RNF150: variants seen among roughly 807,000 people sequenced by gnomAD.
RNF150 encodes the protein ring finger protein 150.
A neutral mutation model predicts 39.3 loss-of-function variants in RNF150; 24 were observed. The ratio of observed to expected loss-of-function variants is 0.61; its 90% confidence interval spans 0.44 to 0.86. The LOEUF is 0.86. RNF150 is among the 40% of genes least tolerant of loss of function. The pLI is 0.00. For synonymous variants in RNF150, 255 were observed against 227.3 expected, an observed-to-expected ratio of 1.12 and a Z score of -1.10; for missense variants, 502 against 587.8, an observed-to-expected ratio of 0.85 and a Z score of 1.51.
At chr4:141,040,501 T>A (rs1736317082) in intron 1 of RNF150, among the ~76,000 whole-genome samples, 1 of 152,150 alleles carries the variant, frequency 6.6e-6, no homozygotes, top group Non-Finnish European at 1.5e-5. Context: ...TTTTATATAT[T>A]TTTTTGTGAG....
chr4:141,088,241 C>A (rs1390699325), intron 1 of RNF150, among the ~76,000 whole-genome samples: 1 of 152,162 alleles, frequency 6.6e-6, no homozygotes, highest in East Asian at 1.9e-4. Context: ...CACTCTCGGC[C>A]CCCCGGCATA....
At chr4:141,205,070 T>A (rs1728353209) in intron 1 of RNF150, among the ~76,000 whole-genome samples, 1 of 152,156 alleles carries the variant, frequency 6.6e-6, no homozygotes, top group African/African-American at 2.4e-5. Flanking sequence ...CTTTTTAAGG[T>A]CATTTGACAC....
chr4:141,057,991 T>C (rs1737056033), intron 1 of RNF150, among the ~76,000 whole-genome samples: 1 of 152,194 alleles, frequency 6.6e-6, no homozygotes, highest in African/African-American at 2.4e-5. Flanking sequence ...AATAGCAAGC[T>C]ACTGTGGCTA....
At chr4:140,888,447 C>T (rs889076194) in intron 6 of RNF150, among the ~76,000 whole-genome samples, 1 of 152,318 alleles carries the variant, frequency 6.6e-6, no homozygotes, top group East Asian at 1.9e-4. Context: ...GATCATAACC[C>T]TACCCATTCC....
intron 1 of RNF150, among the ~76,000 whole-genome samples, chr4:141,051,854 T>C (rs1210051201): frequency 6.6e-6 from 1 of 152,208 alleles, no homozygotes; most frequent in Non-Finnish European, 1.5e-5. Context: ...TTTTCAGTAA[T>C]GCCTTAGTCC....
intron 2 of RNF150, among the ~76,000 whole-genome samples, chr4:140,951,730 C>T (rs368226542): frequency 1.3e-5 from 2 of 152,024 alleles, no homozygotes; most frequent in East Asian, 3.8e-4. Flanking sequence ...GGGGCAAGGA[C>T]TGAAAGGTAT....
intron 1 of RNF150, among the ~76,000 whole-genome samples, chr4:140,982,515 CTTT>C (rs35925074): frequency 2.3e-5 from 3 of 132,900 alleles, no homozygotes; most frequent in Admixed American, 7.7e-5. Context: ...GTAGCACAGA[CTTT>C]TTTTTTTTTT....
At chr4:141,083,163 C>G (rs1738226941) in intron 1 of RNF150, among the ~76,000 whole-genome samples, 1 of 152,106 alleles carries the variant, frequency 6.6e-6, no homozygotes, top group Non-Finnish European at 1.5e-5. Flanking sequence ...AGATGGGGAA[C>G]CAAATAATAG....
At chr4:140,975,356 G>A (rs368642199) in intron 1 of RNF150, among the ~76,000 whole-genome samples, 1 of 152,264 alleles carries the variant, frequency 6.6e-6, no homozygotes, top group Admixed American at 6.5e-5. Context: ...ACCGTGGGAG[G>A]TGAGTTTGTG....
rs188186496 is a variant in RNF150 at position 140,980,032 on chromosome 4, T to A, written c.485-12159A>T. On this transcript the variant is annotated intron_variant, in intron 1 of 6. Coordinates refer to ENST00000515673, the MANE Select transcript of RNF150 (RefSeq NM_020724.2). ...CTGGGAAAAATCACAATGAATCCCC[T>A]TAAGGCTATTTCATTTTTTTTCTTT... 7.9e-5 allele frequency among the ~76,000 whole-genome samples: 12 copies of A among 152,226 alleles called. No homozygotes were observed. The East Asian group carries it at 2.3e-3, about 29-fold the overall frequency.
At chr4:141,210,869 C>T (rs1220529570) in intron 1 of RNF150, among the ~76,000 whole-genome samples, 4 of 152,130 alleles carry the variant, frequency 2.6e-5, no homozygotes, top group African/African-American at 9.7e-5. Flanking sequence ...CAATTCTGGT[C>T]AATTATCTGA....
chr4:140,953,762 T>G (rs570981278), intron 2 of RNF150, among the ~76,000 whole-genome samples: 1 of 152,184 alleles, frequency 6.6e-6, no homozygotes, highest in Non-Finnish European at 1.5e-5. Context: ...AATCTCACTT[T>G]CAATAATTTT....
intron 1 of RNF150, among the ~76,000 whole-genome samples, chr4:141,061,770 TAA>T (rs1737238679): frequency 6.6e-6 from 1 of 152,148 alleles, no homozygotes; most frequent in Non-Finnish European, 1.5e-5. Context: ...CATAAAAATA[TAA>T]GACTTAAAAT....
At chr4:141,177,484 C>A (rs1727833879) in intron 1 of RNF150, among the ~76,000 whole-genome samples, 1 of 151,418 alleles carries the variant, frequency 6.6e-6, no homozygotes, top group African/African-American at 2.4e-5. Flanking sequence ...CTTTCTCTCT[C>A]TCTCTCTCTC....
At position 140,861,417 on chromosome 4, in the gene RNF150, T is replaced by A. The variant is rs1361939664; in HGVS notation, c.*6844A>T. 1.3e-5 allele frequency: 2 copies of A among 152,222 alleles called. No individual in the cohort carries two copies. Among genetic ancestry groups the A allele is most frequent in the Non-Finnish European group, 2.9e-5 (2 of 68,034 alleles). 9.4% of individuals were successfully genotyped at this position (152,222 alleles called of 1,614,324 possible). A position where few individuals can be genotyped will look rare whatever the true frequency, so the allele number is the denominator to read the frequency against. On this transcript the variant is annotated 3_prime_UTR_variant, in exon 7 of 7. Coordinates refer to ENST00000515673, the MANE Select transcript of RNF150 (RefSeq NM_020724.2). The stretch of plus-strand genomic sequence containing the variant: ...TAGAGTTTGTGACACTCTTTCCTCA[T>A]TTGATAAATGTAGACCAAATTCTCA...
In RNF150 at chr4:140,936,043, C is replaced by A. The variant is rs576404781; in HGVS notation, c.891-9970G>T. 6.6e-4 allele frequency among the ~76,000 whole-genome samples: 101 copies of A among 152,260 alleles called. 2 individuals carry two copies. In the South Asian group the frequency reaches 0.013, roughly 20 times the overall value. ...CAAATGGAATCATAAAGTATGTATTCTTTTTTGTCTAGCTTTTTAAATTCA... is the reference window on the plus strand; with the variant it reads ...CAAATGGAATCATAAAGTATGTATTATTTTTTGTCTAGCTTTTTAAATTCA... On this transcript the variant is annotated intron_variant, in intron 4 of 6. Coordinates refer to ENST00000515673, the MANE Select transcript of RNF150 (RefSeq NM_020724.2).
intron 1 of RNF150, among the ~76,000 whole-genome samples, chr4:141,117,755 G>A (rs1332063327): frequency 6.6e-6 from 1 of 152,174 alleles, no homozygotes; most frequent in East Asian, 1.9e-4. Context: ...GTGAAGTATC[G>A]AAGACACCTA....
At chr4:141,155,252 A>ATTT (rs70946798) in intron 1 of RNF150, among the ~76,000 whole-genome samples, 19,317 of 126,088 alleles carry the variant, frequency 0.15, 1,762 homozygotes, top group Middle Eastern at 0.2. Flanking sequence ...CACCCGGCTG[A>ATTT]TTTTTTTTTT....
intron 1 of RNF150, among the ~76,000 whole-genome samples, chr4:140,989,372 G>C (rs1182098658): frequency 6.6e-6 from 1 of 152,126 alleles, no homozygotes; most frequent in Non-Finnish European, 1.5e-5. Flanking sequence ...TGTAGACAGT[G>C]CTGTGACGAG....
Sources: allele counts gnomAD v4.1 joint callset (sites outside exome capture counted in the v4.1 genomes callset), GRCh38; gene constraint gnomAD v4.1.1; transcripts MANE v1.5; gene names NCBI Gene and HGNC (gene_info 2026-07-23, HGNC 2026-07-21).